Variants in FREM2 observed in about 807,000 individuals in gnomAD.
The protein encoded by FREM2 is FRAS1-related extracellular matrix protein 2.
Under a neutral mutation model 219.9 loss-of-function variants are expected in FREM2, and 119 were observed. The observed-to-expected ratio is 0.54, with a 90% confidence interval of 0.47 to 0.63. FREM2 has a LOEUF of 0.63. Among genes scored for constraint, FREM2 ranks in the 30% least tolerant of loss-of-function variants. FREM2 has a pLI of 0.00. For synonymous variants in FREM2, 1,562 were observed against 1,522.8 expected (o/e 1.03, Z -0.60); for missense variants, 4,030 against 3,993.6 (o/e 1.01, Z -0.25).
chr13:38,791,793 C>T (rs1874573265), intron 6 of FREM2, among the ~76,000 whole-genome samples: 1 of 152,142 alleles, frequency 6.6e-6, no homozygotes, highest in South Asian at 2.1e-4. Context: ...GCACAGAAGC[C>T]AAAAGCAACA....
intron 6 of FREM2, among the ~76,000 whole-genome samples, chr13:38,822,861 A>AGAAGGAAAC (rs112326859): frequency 0.065 from 9,876 of 152,126 alleles, 985 homozygotes; most frequent in African/African-American, 0.21. Context: ...ATCTCTGTGA[A>AGAAGGAAAC]GAAGGAAACT....
intron 2 of FREM2, among the ~76,000 whole-genome samples, chr13:38,700,643 G>A (rs1870308510): frequency 6.6e-6 from 1 of 152,058 alleles, no homozygotes; most frequent in African/African-American, 2.4e-5. Context: ...TTTGGCAGAT[G>A]AGGAAACTGA....
chr13:38,877,521 C>A (rs1802888463), intron 21 of FREM2, among the ~76,000 whole-genome samples: 1 of 151,986 alleles, frequency 6.6e-6, no homozygotes, highest in South Asian at 2.1e-4. Flanking sequence ...TTTTTTCAAT[C>A]TGTGTAAACT....
rs149553690 is a variant in FREM2 at position 38,880,522 on chromosome 13, G to A, written c.9245G>A (p.Arg3082His). The A allele has an allele frequency of 2.7e-5, 43 of 1,614,094 alleles. No homozygotes were observed. Among genetic ancestry groups the A allele is most frequent in the African/African-American group, 2.3e-4 (17 of 75,022 alleles). ...AACATCCAGCACATTGCCCTGGACC[G>A]CACCAAGAGGCAGATCCCCCATGGG... ...GTNIQHIALD[R>H]TKRQIPHGRA... The change falls in exon 24 of 24, where the codon CGC becomes CAC. Residue 3082 changes from arginine to histidine, a missense_variant. By Grantham distance (29) the Arg-to-His change is conservative. This residue lies in a region of FREM2 where 928 missense variants were observed against 1,042.9 expected (regional missense o/e 0.89). Transcript: ENST00000280481.
At position 38,727,339 on chromosome 13, in the gene FREM2, C is replaced by T. The variant is rs562774061; in HGVS notation, c.5263+29552C>T. Among the ~76,000 whole-genome samples, 3 of 152,012 alleles carry T rather than the reference C, an allele frequency of 2.0e-5. No homozygotes were observed. The East Asian group carries it at 5.8e-4, about 29-fold the overall frequency. Reference sequence around the variant, plus strand: ...CTCTATTAAAAATACAAAAATACAGCGTGGTGGCACAGGCCTGTAATCTCA... The same window carrying T: ...CTCTATTAAAAATACAAAAATACAGTGTGGTGGCACAGGCCTGTAATCTCA... On this transcript the variant is annotated intron_variant, in intron 2 of 23. Transcript: ENST00000280481.
At chr13:38,865,590 A>G in intron 16 of FREM2, among the ~76,000 whole-genome samples, 1 of 152,212 alleles carries the variant, frequency 6.6e-6, no homozygotes, top group South Asian at 2.1e-4. Flanking sequence ...GCAAGAAAAA[A>G]CTAGATAACT....
At chr13:38,860,571 T>G (rs1877724895) in intron 14 of FREM2, among the ~76,000 whole-genome samples, 1 of 152,234 alleles carries the variant, frequency 6.6e-6, no homozygotes, top group Non-Finnish European at 1.5e-5. Flanking sequence ...ATTCTCTCTT[T>G]TAATAAATCA....
intron 2 of FREM2, among the ~76,000 whole-genome samples, chr13:38,759,100 A>G (rs1397835875): frequency 6.6e-6 from 1 of 152,184 alleles, no homozygotes; most frequent in African/African-American, 2.4e-5. Context: ...TATTATCTTA[A>G]TCTTTTCTCA....
At chr13:38,874,001 A>G (rs1049830700) in intron 17 of FREM2, among the ~76,000 whole-genome samples, 2 of 152,336 alleles carry the variant, frequency 1.3e-5, no homozygotes, top group African/African-American at 4.8e-5. Context: ...CCCAACCTCC[A>G]CATAGGATCT....
Position 38,689,788 on chromosome 13 carries a change from C to T in FREM2, c.2444C>T (p.Pro815Leu), listed in dbSNP as rs1452015457. The change falls in exon 1 of 24, where the codon CCA becomes CTA. Residue 815 changes from proline to leucine, a missense_variant. Pro to Leu is a moderately conservative substitution (Grantham distance 98). This residue lies in a region of FREM2 where 3,102 missense variants were observed against 2,950.7 expected (regional missense o/e 1.05). Coordinates refer to ENST00000280481, the MANE Select transcript of FREM2 (RefSeq NM_207361.6). ...GAAGACCGAGCTGGGAATGTGGCTC[C>T]AGGTACCTTTACCCTTTACTTGCAT... ...QVEDRAGNVA[P>L]GTFTLYLHPV... is the part of the protein sequence containing the mutation. 5 of 1,613,692 alleles carry T rather than the reference C, an allele frequency of 3.1e-6. No individual in the cohort carries two copies. The highest frequency in any genetic ancestry group is 2.2e-5 in the East Asian group (1 of 44,880).
At chr13:38,746,303 T>G (rs1299902365) in intron 2 of FREM2, among the ~76,000 whole-genome samples, 1 of 152,198 alleles carries the variant, frequency 6.6e-6, no homozygotes, top group Non-Finnish European at 1.5e-5. Flanking sequence ...GAGGCTACTA[T>G]TCATATGTCT....
intron 2 of FREM2, among the ~76,000 whole-genome samples, chr13:38,762,361 G>A (rs1205936540): frequency 2.0e-5 from 3 of 152,096 alleles, no homozygotes; most frequent in Non-Finnish European, 2.9e-5. Context: ...GGCATAGTAA[G>A]TTTAGTAAGT....
chr13:38,852,644 G>A lies in FREM2; in HGVS notation c.6925+776G>A, dbSNP rs143166101. 2.0e-5 allele frequency among the ~76,000 whole-genome samples: 3 copies of A among 151,152 alleles called. No individual in the cohort carries two copies. In the East Asian group the frequency reaches 5.8e-4, roughly 29 times the overall value. Reference sequence around the variant, plus strand: ...AGACAATGAATTCTCTAGGATTTAGGAGCCACTTAGAGATGTCTTTCATCC... The same window carrying A: ...AGACAATGAATTCTCTAGGATTTAGAAGCCACTTAGAGATGTCTTTCATCC... On this transcript the variant is annotated intron_variant, in intron 11 of 23. Coordinates refer to ENST00000280481, the MANE Select transcript of FREM2 (RefSeq NM_207361.6).
rs770004356 is a variant in FREM2, at chr13:38,688,194, G to C, written c.850G>C (p.Val284Leu). 42 of 1,613,230 alleles carry C rather than the reference G, an allele frequency of 2.6e-5. No individual in the cohort carries two copies. In the East Asian group the frequency reaches 8.9e-4, roughly 34 times the overall value. ...AAACAGGGACTGGATACCCATGGTG[G>C]TGGAGCTGCGTTCACGAGGGGCTCC... ...SPNRDWIPMV[V>L]ELRSRGAPVG... is the part of the protein sequence containing the mutation. Residue 284 changes from valine to leucine, a missense_variant, in exon 1 of 24, where the codon GTG (valine) becomes CTG (leucine). Physicochemically the swap from Val to Leu is conservative, Grantham distance 32. Transcript: ENST00000280481.
At chr13:38,740,175 TTAAA>T (rs1039006860) in intron 2 of FREM2, among the ~76,000 whole-genome samples, 10 of 152,350 alleles carry the variant, frequency 6.6e-5, no homozygotes, top group African/African-American at 2.2e-4. Context: ...TGTTTTTATA[TTAAA>T]TAAACAAGTA....
intron 4 of FREM2, chr13:38,779,493 A>G (rs1593402669): frequency 6.6e-6 from 1 of 152,130 alleles, no homozygotes; most frequent in South Asian, 2.1e-4. Flanking sequence ...TGCCAAGCAA[A>G]TCTGTGAAGC....
intron 2 of FREM2, among the ~76,000 whole-genome samples, chr13:38,737,862 T>A (rs1485108014): frequency 6.6e-6 from 1 of 152,194 alleles, no homozygotes. Flanking sequence ...GTTAAGGGTT[T>A]TCAAATGGAA....
At chr13:38,798,960 T>G (rs1874902250) in intron 6 of FREM2, among the ~76,000 whole-genome samples, 1 of 152,040 alleles carries the variant, frequency 6.6e-6, no homozygotes, top group Non-Finnish European at 1.5e-5. Flanking sequence ...TATTTCTTGT[T>G]TAGTCTCTGT....
intron 4 of FREM2, among the ~76,000 whole-genome samples, chr13:38,781,405 T>C (rs575317621): frequency 1.3e-5 from 2 of 152,274 alleles, no homozygotes; most frequent in East Asian, 3.9e-4. Context: ...AGCCACAGCT[T>C]TCCCTGTCAC....
Sources: allele counts gnomAD v4.1 joint callset (sites outside exome capture counted in the v4.1 genomes callset), GRCh38; gene constraint gnomAD v4.1.1; regional missense constraint gnomAD v4.1.1; transcripts MANE v1.5; gene names NCBI Gene and HGNC (gene_info 2026-07-23, HGNC 2026-07-21).